Variants in CDH20 observed in about 807,000 individuals in gnomAD.
The protein encoded by CDH20 is cadherin 20, also known as cadherin-20.
In CDH20, 29 loss-of-function variants were observed where a neutral mutation model predicts 74.2. The observed-to-expected ratio is 0.39, with a 90% CI of 0.29 to 0.53. The LOEUF is 0.53. CDH20 is among the 20% of genes least tolerant of loss of function. The pLI is 0.69. For missense variants in CDH20, 988 were observed against 1,048.3 expected (o/e 0.94, Z 0.79); for synonymous variants, 469 against 405.4 (o/e 1.16, Z -1.88).
chr18:61,504,078 A>T (rs1021440031), intron 5 of CDH20, among the ~76,000 whole-genome samples: 1 of 152,212 alleles, frequency 6.6e-6, no homozygotes, highest in Non-Finnish European at 1.5e-5. Flanking sequence ...CTGTCACTTT[A>T]CGTTCAAAGA....
chr18:61,549,903 GC>G, intron 10 of CDH20, 74 bp from the exon 11 acceptor site: 4 of 1,488,158 alleles, frequency 2.7e-6, no homozygotes, highest in Non-Finnish European at 2.8e-6. Flanking sequence ...CCCTGCCCCT[GC>G]CCCCTTGCTT....
intron 1 of CDH20, among the ~76,000 whole-genome samples, chr18:61,487,314 T>C (rs12606240): frequency 0.025 from 3,792 of 152,320 alleles, 171 homozygotes; most frequent in East Asian, 0.11. Flanking sequence ...TCATTTATAA[T>C]AAATGCAAAC....
At chr18:61,552,383 A>G (rs1169312014) in intron 11 of CDH20, among the ~76,000 whole-genome samples, 1 of 151,668 alleles carries the variant, frequency 6.6e-6, no homozygotes, top group Admixed American at 6.6e-5. Context: ...TTTGTTATTT[A>G]CCTAATTAGA....
rs1910369345 is a variant in CDH20, at chr18:61,353,216, C to A, written c.-153+19389C>A. On this transcript the variant is annotated intron_variant, in intron 1 of 11. Coordinates refer to ENST00000262717, the MANE Select transcript of CDH20 (RefSeq NM_031891.4). This position sits in a 1 kb window ranked among gnomAD's most constrained non-coding sequence, Gnocchi z 4.6. Reference sequence around the variant, plus strand: ...ACAAAGCTCAGAGTTTTTAGCGTGGCATTAGTTTCTCCACCATCTACATCC... The same window carrying A: ...ACAAAGCTCAGAGTTTTTAGCGTGGAATTAGTTTCTCCACCATCTACATCC... 6.6e-6 allele frequency among the ~76,000 whole-genome samples: 1 copy of A among 152,150 alleles called. No individual in the cohort carries two copies. The highest frequency in any genetic ancestry group is 6.5e-5 in the Admixed American group (1 of 15,272).
chr18:61,522,237 C>T (rs1394888123), intron 6 of CDH20, among the ~76,000 whole-genome samples: 1 of 152,166 alleles, frequency 6.6e-6, no homozygotes, highest in African/African-American at 2.4e-5. Context: ...GATACAAAAT[C>T]AATGTGCAAA....
chr18:61,436,321 C>T (rs1908834832), intron 1 of CDH20, among the ~76,000 whole-genome samples: 1 of 151,976 alleles, frequency 6.6e-6, no homozygotes, highest in African/African-American at 2.4e-5. Context: ...TATGTGTAAC[C>T]TTCTGAGAAA....
At chr18:61,538,599 T>TTTTTG in intron 8 of CDH20, among the ~76,000 whole-genome samples, 4 of 25,428 alleles carry the variant, frequency 1.6e-4, no homozygotes, top group Admixed American at 5.5e-4. Flanking sequence ...TTTGTTTGTT[T>TTTTTG]TTGTTTTTGT....
In CDH20 at chr18:61,528,164, A is replaced by G; in HGVS notation, c.1215A>G (p.Gly405=). 1 of 1,614,108 alleles carries G rather than the reference A, an allele frequency of 6.2e-7. No homozygotes were observed. Among genetic ancestry groups the G allele is most frequent in the South Asian group, 1.1e-5 (1 of 91,082 alleles). The change falls in exon 7 of 12, where the codon GGA becomes GGG. Residue 405 remains glycine (G), a synonymous_variant. Transcript: ENST00000262717. The part of the protein sequence containing the change: ...FVEVPEDVAI[G]TTIQIISAKD... ...AGGTGCCTGAGGATGTGGCGATTGG[A>G]ACAACCATACAGATCATTTCTGCCA...
intron 1 of CDH20, among the ~76,000 whole-genome samples, chr18:61,390,871 T>C (rs1911758815): frequency 6.6e-6 from 1 of 152,044 alleles, no homozygotes; most frequent in Admixed American, 6.6e-5. Flanking sequence ...TAATAGAAAA[T>C]ATAGCATTGG....
At chr18:61,532,875 A>G (rs1191214721) in intron 7 of CDH20, among the ~76,000 whole-genome samples, 1 of 152,224 alleles carries the variant, frequency 6.6e-6, no homozygotes, top group African/African-American at 2.4e-5. Flanking sequence ...AATTTTTAAG[A>G]ACATAGTAGT....
At chr18:61,554,131 T>C in intron 11 of CDH20, 59 bp from the exon 12 acceptor site, 1 of 1,558,482 alleles carries the variant, frequency 6.4e-7, no homozygotes, top group Non-Finnish European at 8.7e-7. Flanking sequence ...CTACTTCTAG[T>C]CACCGCACAC....
chr18:61,338,049 T>C (rs901690603), intron 1 of CDH20, among the ~76,000 whole-genome samples: 3 of 152,206 alleles, frequency 2.0e-5, no homozygotes, highest in African/African-American at 7.2e-5. Flanking sequence ...CAAAATATTG[T>C]CTGTTTGCTT....
chr18:61,422,132 A>G (rs796670937), intron 1 of CDH20, among the ~76,000 whole-genome samples: 12 of 152,270 alleles, frequency 7.9e-5, no homozygotes, highest in African/African-American at 2.9e-4. Context: ...AAAATACATG[A>G]AATTCACGGT....
At chr18:61,371,086 A>G (rs1424253068) in intron 1 of CDH20, among the ~76,000 whole-genome samples, 2 of 152,124 alleles carry the variant, frequency 1.3e-5, no homozygotes, top group Admixed American at 6.6e-5. Flanking sequence ...TTAAGAATGA[A>G]TTTTACCAAC....
intron 1 of CDH20, among the ~76,000 whole-genome samples, chr18:61,409,912 G>C (rs1197488608): frequency 1.3e-5 from 2 of 152,110 alleles, no homozygotes; most frequent in East Asian, 3.9e-4. Context: ...CACTGTCCCT[G>C]TGACTTCCGT....
intron 2 of CDH20, among the ~76,000 whole-genome samples, chr18:61,492,153 G>T (rs1329090630): frequency 6.6e-6 from 1 of 151,764 alleles, no homozygotes; most frequent in East Asian, 1.9e-4. Flanking sequence ...AGAAACTCTT[G>T]TTTTTTTTCT....
At chr18:61,531,237 C>T (rs548359849) in intron 7 of CDH20, among the ~76,000 whole-genome samples, 1 of 152,326 alleles carries the variant, frequency 6.6e-6, no homozygotes, top group African/African-American at 2.4e-5. Flanking sequence ...TGTGTCAGCC[C>T]GGCAATGCTG....
At chr18:61,334,229 C>A (rs1437969580) in intron 1 of CDH20, 5 of 152,048 alleles carry the variant, frequency 3.3e-5, no homozygotes, top group Admixed American at 6.5e-5. Context: ...TGGCGCCTCC[C>A]TCCGCCTGCA....
In CDH20 at chr18:61,499,483, A is replaced by G; in HGVS notation, c.541+3A>G. ...TGTGCCAGAAATGTCCCCTGTGGGT[A>G]AGGTGGTGACTCGCTGATTTTCACA... On this transcript the variant is annotated splice_donor_region_variant and intron_variant, in intron 3 of 11. Transcript: ENST00000262717. The G allele has an allele frequency of 6.3e-7, 1 of 1,596,356 alleles. No homozygotes were observed. The highest frequency in any genetic ancestry group is 8.5e-7 in the Non-Finnish European group (1 of 1,170,330).
Sources: allele counts gnomAD v4.1 joint callset (sites outside exome capture counted in the v4.1 genomes callset), GRCh38; gene constraint gnomAD v4.1.1; non-coding constraint Gnocchi (gnomAD v3.1); transcripts MANE v1.5; gene names NCBI Gene and HGNC (gene_info 2026-07-23, HGNC 2026-07-21).